The following TRPV4 variants were observed in gnomAD, a reference collection of about 807,000 sequenced individuals.
TRPV4 encodes the protein transient receptor potential cation channel subfamily V member 4.
A neutral mutation model predicts 84.1 loss-of-function variants in TRPV4; 58 were observed. That is an observed-to-expected ratio of 0.69 (90% CI 0.56 to 0.86). The LOEUF (loss-of-function observed/expected upper bound fraction) is 0.86, where lower values mean the gene tolerates loss of function less well. TRPV4 is among the 40% of genes least tolerant of loss of function. The probability of loss-of-function intolerance (pLI) is 0.00; values close to 1 mark genes in which losing one functional copy is unlikely to be tolerated. For synonymous variants in TRPV4, 489 were observed against 500.9 expected (o/e 0.98, Z 0.32); for missense variants, 879 against 1,181.1 (o/e 0.74, Z 3.75).
rs1304467409 is a variant in TRPV4 at position 109,800,693 on chromosome 12, G to A, written c.778C>T (p.Gln260Ter). ...CKHYVELLVA[Q>*]GADVHAQARG... ...GCCTGGGCGTGGACATCAGCTCCCT[G>A]GGCCACGAGAAGTTCCACGTAGTGT... is the stretch of plus-strand genomic sequence containing the variant. The change falls in exon 5 of 16, where the codon CAG becomes TAG. Residue 260 changes from glutamine to a stop codon, truncating the protein, a stop_gained. Coordinates refer to ENST00000261740, the MANE Select transcript of TRPV4 (RefSeq NM_021625.5). LOFTEE classifies it high-confidence loss of function. The A allele has an allele frequency of 6.2e-7, 1 of 1,614,034 alleles. No homozygotes were observed. Among genetic ancestry groups the A allele is most frequent in the Non-Finnish European group, 8.5e-7 (1 of 1,180,052 alleles).
chr12:109,789,721 G>T (rs1223310301), intron 12 of TRPV4, among the ~76,000 whole-genome samples: 1 of 152,194 alleles, frequency 6.6e-6, no homozygotes, highest in East Asian at 1.9e-4. Context: ...TGCAACCAGG[G>T]ATTAGAGTAT....
chr12:109,787,139 G>A (rs1345460192), intron 13 of TRPV4, among the ~76,000 whole-genome samples: 6 of 152,186 alleles, frequency 3.9e-5, no homozygotes, highest in African/African-American at 1.2e-4. Flanking sequence ...AAATGCCCAC[G>A]TGTAAGGGGG....
At chr12:109,795,657 G>A (rs570885986) in intron 7 of TRPV4, among the ~76,000 whole-genome samples, 7 of 152,116 alleles carry the variant, frequency 4.6e-5, no homozygotes, top group Non-Finnish European at 1.0e-4. Context: ...TACATGCAGC[G>A]ACAATATTAC....
At chr12:109,789,231 G>A (rs1325684431) in intron 12 of TRPV4, among the ~76,000 whole-genome samples, 1 of 152,116 alleles carries the variant, frequency 6.6e-6, no homozygotes, top group Non-Finnish European at 1.5e-5. Flanking sequence ...TTACAACTGG[G>A]GGTGGGGGTG....
intron 12 of TRPV4, 95 bp from the exon 13 acceptor site, chr12:109,788,811 C>A: frequency 6.8e-7 from 1 of 1,459,964 alleles, no homozygotes; most frequent in Non-Finnish European, 9.5e-7. Context: ...AAAGCTGAGG[C>A]CTAGTGAGCG....
intron 3 of TRPV4, among the ~76,000 whole-genome samples, chr12:109,805,161 G>A (rs1592849060): frequency 1.3e-5 from 2 of 152,366 alleles, no homozygotes; most frequent in Admixed American, 6.5e-5. Flanking sequence ...GGCACCTTGA[G>A]GGCAGGGTGA....
Position 109,783,784 on chromosome 12 carries a change from C to A in TRPV4, c.2459-6G>T. On this transcript the variant is annotated splice_polypyrimidine_tract_variant and splice_region_variant and intron_variant, in intron 15 of 15. Transcript: ENST00000261740. The surrounding 1 kb of genome is among the most constrained non-coding windows in gnomAD (Gnocchi z 4.6). ...TACCACCGAGGACCAGCGATCTGCACCGAGAGCACATCAGAGGGAGGGGTG... is the reference window on the plus strand; with the variant it reads ...TACCACCGAGGACCAGCGATCTGCAACGAGAGCACATCAGAGGGAGGGGTG... 2 of 1,611,160 alleles carry A rather than the reference C, an allele frequency of 1.2e-6. No individual in the cohort carries two copies. Among genetic ancestry groups the A allele is most frequent in the Non-Finnish European group, 1.7e-6 (2 of 1,179,910 alleles).
Position 109,783,760 on chromosome 12 carries a change from AC to A in TRPV4, c.2476del (p.Val826TyrfsTer7). 1 of 1,612,626 alleles carries A rather than the reference AC, an allele frequency of 6.2e-7. No individual in the cohort carries two copies. Among genetic ancestry groups the A allele is most frequent in the Non-Finnish European group, 8.5e-7 (1 of 1,179,928 alleles). ...RLRRDRWSSV[V>X]PRVVELNKNS... is the part of the protein sequence containing the mutation. ...CTTGTTCAGTTCCACCACGCGGGGT[AC>A]CACCGAGGACCAGCGATCTGCACCG... On this transcript the variant is annotated frameshift_variant, in exon 16 of 16. Transcript: ENST00000261740. LOFTEE classifies it high-confidence loss of function. This position sits in a 1 kb window ranked among gnomAD's most constrained non-coding sequence, Gnocchi z 4.6.
chr12:109,793,915 G>C lies in TRPV4; in HGVS notation c.1584+15C>G. 3.1e-6 allele frequency: 5 copies of C among 1,598,766 alleles called. No individual in the cohort carries two copies. Among genetic ancestry groups the C allele is most frequent in the Non-Finnish European group, 4.3e-6 (5 of 1,171,916 alleles). ...AGGGCAGGCAGGGTGGGGGGCACGG[G>C]GGCCAGGCACTTACGTTGGTGAAGA... On this transcript the variant is annotated intron_variant, in intron 9 of 15. Coordinates refer to ENST00000261740, the MANE Select transcript of TRPV4 (RefSeq NM_021625.5). This position sits in a 1 kb window ranked among gnomAD's most constrained non-coding sequence, Gnocchi z 4.0.
At position 109,792,586 on chromosome 12, in the gene TRPV4, T is replaced by G. The variant is rs551464560; in HGVS notation, c.1824+66A>C. 1.9e-6 allele frequency: 3 copies of G among 1,603,506 alleles called. No individual in the cohort carries two copies. The East Asian group carries it at 6.7e-5, about 36-fold the overall frequency. On this transcript the variant is annotated intron_variant, in intron 11 of 15. Transcript: ENST00000261740. The stretch of plus-strand genomic sequence containing the variant: ...CCTCAGGTCTGCAGGTGCATAAGTG[T>G]GCATGTGGTGTGTGTGTGACTCCCT...
At chr12:109,823,461 G>A (rs1892165894) in intron 1 of TRPV4, among the ~76,000 whole-genome samples, 1 of 152,230 alleles carries the variant, frequency 6.6e-6, no homozygotes, top group Non-Finnish European at 1.5e-5. Flanking sequence ...AGCTTTCACA[G>A]GGACCAAGTC....
intron 1 of TRPV4, among the ~76,000 whole-genome samples, chr12:109,829,966 C>T (rs972238797): frequency 2.0e-5 from 3 of 152,224 alleles, no homozygotes; most frequent in Non-Finnish European, 4.4e-5. Flanking sequence ...CAGGTGCGTG[C>T]TACCACGTTC....
At chr12:109,785,241 C>T (rs1265471071) in intron 14 of TRPV4, among the ~76,000 whole-genome samples, 5 of 152,012 alleles carry the variant, frequency 3.3e-5, no homozygotes, top group African/African-American at 1.2e-4. Context: ...GTCTTGAACT[C>T]CTGGGCTCAA....
In TRPV4 at chr12:109,798,472, A is replaced by G; in HGVS notation, c.1152+142T>C. ...ACTAGGGAGCCATAGCAGGTTCTTG[A>G]GCTGGGACATCTGCACACTGGGGTT... On this transcript the variant is annotated intron_variant, in intron 6 of 15. Coordinates refer to ENST00000261740, the MANE Select transcript of TRPV4 (RefSeq NM_021625.5). The surrounding 1 kb of genome is among the most constrained non-coding windows in gnomAD (Gnocchi z 5.0). 3.7e-6 allele frequency: 4 copies of G among 1,074,446 alleles called. No homozygotes were observed. The highest frequency in any genetic ancestry group is 5.4e-6 in the Non-Finnish European group (4 of 739,354). 66.6% of individuals were successfully genotyped at this position (1,074,446 alleles called of 1,614,324 possible). A position where few individuals can be genotyped will look rare whatever the true frequency, so the allele number is the denominator to read the frequency against.
intron 1 of TRPV4, among the ~76,000 whole-genome samples, chr12:109,825,739 C>T (rs1892235614): frequency 6.6e-6 from 1 of 152,172 alleles, no homozygotes; most frequent in Admixed American, 6.5e-5. Flanking sequence ...TCCTCTACCC[C>T]ACTTCTAGGA....
Position 109,786,691 on chromosome 12 carries a change from C to T in TRPV4, c.2336+19G>A, listed in dbSNP as rs1385290044. The T allele has an allele frequency of 1.2e-6, 2 of 1,613,316 alleles. No individual in the cohort carries two copies. Among genetic ancestry groups the T allele is most frequent in the Non-Finnish European group, 8.5e-7 (1 of 1,179,984 alleles). On this transcript the variant is annotated intron_variant, in intron 14 of 15. Coordinates refer to ENST00000261740, the MANE Select transcript of TRPV4 (RefSeq NM_021625.5). The surrounding 1 kb of genome is among the most constrained non-coding windows in gnomAD (Gnocchi z 4.5). ...GACAGTTCCGCCCTGCCATCCTGGC[C>T]CCACTGCCCCAGCCTCACCTGAAGC...
chr12:109,813,139 C>T (rs528401640), intron 2 of TRPV4, among the ~76,000 whole-genome samples: 9 of 152,240 alleles, frequency 5.9e-5, no homozygotes, highest in Middle Eastern at 3.4e-3. Flanking sequence ...AGGCGGGATG[C>T]GGTGGCTCAC....
chr12:109,786,685 C>A lies in TRPV4; in HGVS notation c.2336+25G>T, dbSNP rs749870092. ...AGTGGGGACAGTTCCGCCCTGCCATCCTGGCCCCACTGCCCCAGCCTCACC... is the reference window on the plus strand; with the variant it reads ...AGTGGGGACAGTTCCGCCCTGCCATACTGGCCCCACTGCCCCAGCCTCACC... On this transcript the variant is annotated intron_variant, in intron 14 of 15. Transcript: ENST00000261740. The surrounding 1 kb of genome is among the most constrained non-coding windows in gnomAD (Gnocchi z 4.5). 2 of 1,613,068 alleles carry A rather than the reference C, an allele frequency of 1.2e-6. No homozygotes were observed. The highest frequency in any genetic ancestry group is 1.7e-6 in the Non-Finnish European group (2 of 1,179,946).
rs376408839 is a variant in TRPV4 at position 109,805,829 on chromosome 12, CA to C, written c.559+2466del. 9.3e-4 allele frequency among the ~76,000 whole-genome samples: 142 copies of C among 152,344 alleles called. 1 individual carries two copies. Among genetic ancestry groups the C allele is most frequent in the African/African-American group, 3.2e-3 (135 of 41,582 alleles). ...CCCCACCCACACTCATGCACAGACA[CA>C]CATGCATCTGGGTTCCTGGACTATG... On this transcript the variant is annotated intron_variant, in intron 3 of 15. Coordinates refer to ENST00000261740, the MANE Select transcript of TRPV4 (RefSeq NM_021625.5).
Sources: gnomAD v4.1 joint callset for allele counts (sites outside exome capture counted in the v4.1 genomes callset) on GRCh38, gnomAD v4.1.1 for gene constraint, Gnocchi (gnomAD v3.1) non-coding constraint, MANE v1.5 for transcripts, NCBI Gene and HGNC (gene_info 2026-07-23, HGNC 2026-07-21) for gene names.